VEZT: variants seen among roughly 807,000 people sequenced by gnomAD.
The protein encoded by VEZT is vezatin.
In VEZT, 39 loss-of-function variants were observed where a neutral mutation model predicts 79.9. The observed-to-expected ratio is 0.49, with a 90% confidence interval of 0.38 to 0.64. VEZT has a LOEUF of 0.64. Ranked by LOEUF, VEZT falls within the 30% of genes least tolerant of loss-of-function variation. The probability of loss-of-function intolerance (pLI) is 0.00; values close to 1 mark genes in which losing one functional copy is unlikely to be tolerated. For synonymous variants in VEZT, 325 were observed against 327.6 expected (o/e 0.99, Z 0.09); for missense variants, 837 against 893.1 (o/e 0.94, Z 0.80).
chr12:95,265,127 CT>C (rs1323379665), intron 4 of VEZT, among the ~76,000 whole-genome samples: 2 of 152,098 alleles, frequency 1.3e-5, no homozygotes, highest in African/African-American at 2.4e-5. Context: ...TCTCAAAGTG[CT>C]GAGATTACAG....
intron 7 of VEZT, among the ~76,000 whole-genome samples, chr12:95,278,999 G>C (rs2068406205): frequency 6.6e-6 from 1 of 152,226 alleles, no homozygotes; most frequent in Non-Finnish European, 1.5e-5. Flanking sequence ...GAACCCAGGA[G>C]GCGGAAGTTG....
Position 95,301,745 on chromosome 12 carries a change from A to G in VEZT, c.*1072A>G, listed in dbSNP as rs2075233831. On this transcript the variant is annotated 3_prime_UTR_variant, in exon 12 of 12. Coordinates refer to ENST00000436874, the MANE Select transcript of VEZT (RefSeq NM_017599.4). Reference sequence around the variant, plus strand: ...GACATTATTTGGGGGAAATGTAGTAATAACTCAATCTATGTTGCTGTCCTA... The same window carrying G: ...GACATTATTTGGGGGAAATGTAGTAGTAACTCAATCTATGTTGCTGTCCTA... The G allele has an allele frequency of 6.6e-6, 1 of 152,238 alleles. No homozygotes were observed. Among genetic ancestry groups the G allele is most frequent in the Admixed American group, 6.5e-5 (1 of 15,286 alleles). 9.4% of individuals were successfully genotyped at this position (152,238 alleles called of 1,614,324 possible). A position where few individuals can be genotyped will look rare whatever the true frequency, so the allele number is the denominator to read the frequency against.
intron 1 of VEZT, among the ~76,000 whole-genome samples, chr12:95,219,860 A>C (rs778956100): frequency 1.3e-5 from 2 of 152,120 alleles, no homozygotes; most frequent in Non-Finnish European, 2.9e-5. Flanking sequence ...TTTAATTTAC[A>C]TTTTATGCAT....
At chr12:95,274,326 T>A (rs192044829) in intron 6 of VEZT, among the ~76,000 whole-genome samples, 3 of 151,824 alleles carry the variant, frequency 2.0e-5, no homozygotes, top group Admixed American at 2.0e-4. Flanking sequence ...ATCAGCTGGG[T>A]GTGGTGGCGC....
chr12:95,247,388 TATAAGTATCCGGCA>T (rs1411630488), intron 1 of VEZT, among the ~76,000 whole-genome samples: 1 of 152,174 alleles, frequency 6.6e-6, no homozygotes, highest in Admixed American at 6.5e-5. Context: ...CAGAAGCAGA[TATAAGTATCCGGCA>T]ATTTTCTATT....
At chr12:95,284,470 T>C (rs2070063945) in intron 8 of VEZT, among the ~76,000 whole-genome samples, 1 of 152,192 alleles carries the variant, frequency 6.6e-6, no homozygotes, top group Non-Finnish European at 1.5e-5. Context: ...CAGATTAGTG[T>C]TACTGAGGCA....
At chr12:95,269,778 T>C (rs1048213861) in intron 5 of VEZT, 3 of 272,566 alleles carry the variant, frequency 1.1e-5, no homozygotes, top group African/African-American at 6.7e-5. Context: ...GAATCCATTG[T>C]TTCCCCACAT....
intron 1 of VEZT, chr12:95,224,180 G>T (rs910262130): frequency 2.2e-5 from 10 of 455,908 alleles, no homozygotes; most frequent in African/African-American, 1.0e-4. Flanking sequence ...TTCCATTTAG[G>T]TTCGGCCAGT....
At chr12:95,278,551 C>G (rs7963391) in intron 7 of VEZT, among the ~76,000 whole-genome samples, 30,552 of 152,038 alleles carry the variant, frequency 0.2, 3,131 homozygotes, top group East Asian at 0.29. Flanking sequence ...TATCGTTATT[C>G]AGATAAGAAA....
intron 2 of VEZT, among the ~76,000 whole-genome samples, chr12:95,253,460 T>C (rs74364198): frequency 0.068 from 10,356 of 152,256 alleles, 456 homozygotes; most frequent in Middle Eastern, 0.12. Flanking sequence ...TAGTCCTCCA[T>C]TTATACCATT....
At position 95,228,548 on chromosome 12, in the gene VEZT, A is replaced by G. The variant is rs367976056; in HGVS notation, c.36+10662A>G. 3.9e-5 allele frequency among the ~76,000 whole-genome samples: 6 copies of G among 152,214 alleles called. No individual in the cohort carries two copies. In the South Asian group the frequency reaches 6.2e-4, roughly 16 times the overall value. ...ATATATCCTGAGTTTCAGTTTGTCA[A>G]ACATAAAGCCCTAAATTGTATTATT... On this transcript the variant is annotated intron_variant, in intron 1 of 11. Coordinates refer to ENST00000436874, the MANE Select transcript of VEZT (RefSeq NM_017599.4).
rs1043093473 is a variant in VEZT, at chr12:95,301,678, G to C, written c.*1005G>C. On this transcript the variant is annotated 3_prime_UTR_variant, in exon 12 of 12. Transcript: ENST00000436874. ...AGAGTAATTATTTTCAGCATATACAGTTTTGAAACCTGTAGCTCCTATGCA... is the reference window on the plus strand; with the variant it reads ...AGAGTAATTATTTTCAGCATATACACTTTTGAAACCTGTAGCTCCTATGCA... 6.6e-6 allele frequency: 1 copy of C among 152,212 alleles called. No individual in the cohort carries two copies. The highest frequency in any genetic ancestry group is 2.4e-5 in the African/African-American group (1 of 41,450). The allele number at this position is 152,212 out of a possible 1,614,324, so 9.4% of individuals were successfully genotyped here.
chr12:95,259,000 T>G (rs1008760051), intron 3 of VEZT, among the ~76,000 whole-genome samples: 1 of 152,206 alleles, frequency 6.6e-6, no homozygotes, highest in Non-Finnish European at 1.5e-5. Context: ...CCTGGAAAGA[T>G]CTTTATCAAT....
At chr12:95,263,753 C>T (rs569772546) in intron 4 of VEZT, 3 of 152,136 alleles carry the variant, frequency 2.0e-5, no homozygotes, top group South Asian at 2.1e-4. Context: ...TAGGTTTTAT[C>T]GTAACTATAT....
At chr12:95,258,238 T>C (rs763498992) in intron 3 of VEZT, 33 of 455,798 alleles carry the variant, frequency 7.2e-5, no homozygotes, top group South Asian at 5.1e-4. Flanking sequence ...ATGCCATTTT[T>C]ATCCAGGTGG....
chr12:95,240,063 AG>A (rs755213331), intron 1 of VEZT, among the ~76,000 whole-genome samples: 20,190 of 122,156 alleles, frequency 0.17, 1,912 homozygotes, highest in Non-Finnish European at 0.19. Context: ...GAAGGAAGGA[AG>A]GAAGGAAGGA....
chr12:95,287,954 A>C, intron 9 of VEZT, 97 bp downstream of exon 9: 1 of 1,068,742 alleles, frequency 9.4e-7, no homozygotes, highest in Non-Finnish European at 1.3e-6. Context: ...TTATGATGAA[A>C]CTAGCTTCAA....
In VEZT at chr12:95,282,404, T is replaced by C. The variant is rs959585423; in HGVS notation, c.1088T>C (p.Leu363Ser). The change falls in exon 8 of 12, where the codon TTA becomes TCA. Residue 363 changes from leucine to serine, a missense_variant. Transcript: ENST00000436874. Reference sequence around the variant, plus strand: ...ACAGCCAATTCACCTCCTGGGCCCTTACTTACTCCAGCACTTCTGCCTCAT... The same window carrying C: ...ACAGCCAATTCACCTCCTGGGCCCTCACTTACTCCAGCACTTCTGCCTCAT... ...LSTANSPPGPLLTPALLPHRI... is the reference protein window; with the variant it reads ...LSTANSPPGPSLTPALLPHRI... The C allele has an allele frequency of 3.7e-6, 6 of 1,613,856 alleles. No individual in the cohort carries two copies. The Admixed American group carries it at 8.3e-5, about 22-fold the overall frequency.
At chr12:95,250,662 T>C (rs1419475378) in intron 1 of VEZT, among the ~76,000 whole-genome samples, 1 of 152,128 alleles carries the variant, frequency 6.6e-6, no homozygotes, top group Non-Finnish European at 1.5e-5. Flanking sequence ...AAAGTTAAAA[T>C]TTAAGCTTGC....
Sources: allele counts gnomAD v4.1 joint callset (sites outside exome capture counted in the v4.1 genomes callset), GRCh38; gene constraint gnomAD v4.1.1; transcripts MANE v1.5; gene names NCBI Gene and HGNC (gene_info 2026-07-23, HGNC 2026-07-21).